The following JAK2 variants were observed in gnomAD, a reference collection of about 807,000 sequenced individuals.
JAK2 encodes the protein tyrosine-protein kinase JAK2.
A neutral mutation model predicts 139.3 loss-of-function variants in JAK2; 86 were observed. That is an observed-to-expected ratio of 0.62 (90% CI 0.52 to 0.74). The LOEUF (loss-of-function observed/expected upper bound fraction) is 0.74. Among genes scored for constraint, JAK2 ranks in the 30% least tolerant of loss-of-function variants. The pLI is 0.00. For synonymous variants in JAK2, 490 were observed against 437.7 expected (o/e 1.12, Z -1.49); for missense variants, 1,421 against 1,360.3 (o/e 1.04, Z -0.70).
rs190955151 is a variant in JAK2, at chr9:5,049,149, C to T, written c.469-1537C>T. 2.0e-3 allele frequency among the ~76,000 whole-genome samples: 310 copies of T among 152,172 alleles called. 3 individuals are homozygous for T. The highest frequency in any genetic ancestry group is 7.0e-3 in the African/African-American group (291 of 41,498). On this transcript the variant is annotated intron_variant, in intron 5 of 24. Coordinates refer to ENST00000381652, the MANE Select transcript of JAK2 (RefSeq NM_004972.4). ...TTCCTGGATCAGATCCTTATTATTT[C>T]GTATCTGAGCCATACACCAGCCTCT...
At chr9:5,036,497 C>G (rs1270326429) in intron 4 of JAK2, among the ~76,000 whole-genome samples, 1 of 152,160 alleles carries the variant, frequency 6.6e-6, no homozygotes, top group Non-Finnish European at 1.5e-5. Context: ...CTACAGTAAC[C>G]AAAACAGCAT....
At chr9:5,017,917 T>G (rs1310912430) in intron 2 of JAK2, among the ~76,000 whole-genome samples, 1 of 152,202 alleles carries the variant, frequency 6.6e-6, no homozygotes, top group East Asian at 1.9e-4. Context: ...TGACTTAAAG[T>G]CTGTTGTATC....
chr9:5,002,635 G>C (rs936900420), intron 2 of JAK2, among the ~76,000 whole-genome samples: 2 of 151,912 alleles, frequency 1.3e-5, no homozygotes, highest in Non-Finnish European at 2.9e-5. Context: ...GTAAATGTCA[G>C]TTATATTTAG....
Position 5,070,421 on chromosome 9 carries a change from C to G in JAK2, c.1641+369C>G, listed in dbSNP as rs889321562. 4.6e-5 allele frequency among the ~76,000 whole-genome samples: 7 copies of G among 152,172 alleles called. No homozygotes were observed. In the South Asian group the frequency reaches 1.2e-3, roughly 27 times the overall value. On this transcript the variant is annotated intron_variant, in intron 12 of 24. Coordinates refer to ENST00000381652, the MANE Select transcript of JAK2 (RefSeq NM_004972.4). ...CTGAGAAAAAAATCCAGCCATCTCT[C>G]AGTGTCCATGAGGGATTGGTTCCAG...
intron 19 of JAK2, chr9:5,085,859 G>C (rs62543876): frequency 0.53 from 409,841 of 773,238 alleles, 109,513 homozygotes; most frequent in African/African-American, 0.63. Context: ...AGTACTCAGA[G>C]ATTTCCTTAA....
intron 8 of JAK2, among the ~76,000 whole-genome samples, chr9:5,060,135 AT>A: frequency 6.6e-6 from 1 of 152,296 alleles, no homozygotes; most frequent in Non-Finnish European, 1.5e-5. Context: ...TTAAAAATTA[AT>A]TTAAAACACT....
At chr9:5,078,589 T>A in intron 16 of JAK2, 145 bp downstream of exon 16, 1 of 672,102 alleles carries the variant, frequency 1.5e-6, no homozygotes, top group Non-Finnish European at 2.4e-6. Context: ...CAATTTAAAT[T>A]GTTAGTTAAA....
intron 19 of JAK2, chr9:5,084,912 C>T: frequency 2.1e-6 from 1 of 485,598 alleles, no homozygotes. Context: ...TTTTGGTTAT[C>T]TGCACATGAA....
At chr9:5,114,192 ACC>A in intron 22 of JAK2, 1 of 467,284 alleles carries the variant, frequency 2.1e-6, no homozygotes, top group South Asian at 1.9e-5. Context: ...AGGGGTGAGC[ACC>A]TACCTGAGCC....
intron 15 of JAK2, among the ~76,000 whole-genome samples, chr9:5,077,949 C>T (rs1177997021): frequency 6.6e-6 from 1 of 152,162 alleles, no homozygotes; most frequent in East Asian, 1.9e-4. Context: ...ACCAGGGGGA[C>T]TGCCAGTCAT....
chr9:5,041,914 G>A (rs998593442), intron 4 of JAK2: 3 of 396,530 alleles, frequency 7.6e-6, no homozygotes, highest in Admixed American at 3.5e-5. Context: ...GGAGGTGGGC[G>A]ATGAAACGAA....
At position 5,069,111 on chromosome 9, in the gene JAK2, C is replaced by A. The variant is rs149595423; in HGVS notation, c.1416C>A (p.Ser472Arg). 2 of 1,610,754 alleles carry A rather than the reference C, an allele frequency of 1.2e-6. No individual in the cohort carries two copies. The highest frequency in any genetic ancestry group is 1.7e-5 in the Admixed American group (1 of 59,944). ...TCAGTGGGACAAAGAAGAACTTCAG[C>A]AGTCTTAAAGATCTTTTGAATTGTT... ...YNLSGTKKNFSSLKDLLNCYQ... is the reference protein window; with the variant it reads ...YNLSGTKKNFRSLKDLLNCYQ... The change falls in exon 11 of 25, where the codon AGC becomes AGA. Residue 472 changes from serine (S) to arginine (R), a missense_variant. By Grantham distance (110) the Ser-to-Arg change is moderately radical. Coordinates refer to ENST00000381652, the MANE Select transcript of JAK2 (RefSeq NM_004972.4).
chr9:5,088,069 A>G (rs1468244359), intron 19 of JAK2, among the ~76,000 whole-genome samples: 2 of 152,220 alleles, frequency 1.3e-5, no homozygotes, highest in African/African-American at 2.4e-5. Context: ...GTGTTTTGGA[A>G]TAATTTCTCA....
chr9:5,046,015 G>A (rs1051909039), intron 5 of JAK2, among the ~76,000 whole-genome samples: 1 of 152,170 alleles, frequency 6.6e-6, no homozygotes, highest in Admixed American at 6.5e-5. Flanking sequence ...CAGTGCACAA[G>A]TGTTCCAATT....
At chr9:5,000,326 G>A (rs1383023127) in intron 2 of JAK2, among the ~76,000 whole-genome samples, 2 of 152,096 alleles carry the variant, frequency 1.3e-5, no homozygotes, top group East Asian at 3.8e-4. Context: ...ACATACCAAG[G>A]AAATAGTCGG....
chr9:5,006,267 G>C (rs983946341), intron 2 of JAK2, among the ~76,000 whole-genome samples: 2 of 152,180 alleles, frequency 1.3e-5, no homozygotes, highest in African/African-American at 4.8e-5. Flanking sequence ...TTGTGAACGG[G>C]AGTTCACTCA....
intron 4 of JAK2, among the ~76,000 whole-genome samples, chr9:5,042,430 C>A (rs1196436334): frequency 6.6e-6 from 1 of 152,116 alleles, no homozygotes; most frequent in African/African-American, 2.4e-5. Flanking sequence ...AGCCACCGCG[C>A]CCGGCCAAGA....
At chr9:5,055,245 T>C (rs1012669585) in intron 7 of JAK2, among the ~76,000 whole-genome samples, 1 of 152,066 alleles carries the variant, frequency 6.6e-6, no homozygotes, top group Admixed American at 6.5e-5. Flanking sequence ...TTTATGATAA[T>C]ATATACCTGC....
intron 22 of JAK2, among the ~76,000 whole-genome samples, chr9:5,121,472 T>C (rs1823610910): frequency 6.6e-6 from 1 of 152,156 alleles, no homozygotes; most frequent in Middle Eastern, 3.2e-3. Context: ...CATATCTTCA[T>C]GACAGGAGGT....
Sources: allele counts gnomAD v4.1 joint callset (sites outside exome capture counted in the v4.1 genomes callset), GRCh38; gene constraint gnomAD v4.1.1; transcripts MANE v1.5; gene names NCBI Gene and HGNC (gene_info 2026-07-23, HGNC 2026-07-21).